WWOX: variants seen among roughly 807,000 people sequenced by gnomAD.
The protein encoded by WWOX is WW domain-containing oxidoreductase.
Under a neutral mutation model 46.2 loss-of-function variants are expected in WWOX, and 69 were observed. That is an observed-to-expected ratio of 1.49 (90% confidence interval 1.23 to 1.82). The LOEUF is 1.82. Ranked by LOEUF, WWOX falls within the 40% of genes most tolerant of loss-of-function variation. The probability of loss-of-function intolerance (pLI) is 0.00; values close to 1 mark genes in which losing one functional copy is unlikely to be tolerated. For missense variants in WWOX, 919 were observed against 542.6 expected, an observed-to-expected ratio of 1.69 and a Z score of -6.89; for synonymous variants, 359 against 202.6, an observed-to-expected ratio of 1.77 and a Z score of -6.56.
At chr16:79,173,920 CAA>C (rs199679443) in intron 8 of WWOX, among the ~76,000 whole-genome samples, 634 of 152,078 alleles carry the variant, frequency 4.2e-3, no homozygotes, top group Non-Finnish European at 7.0e-3. Context: ...TTTCACTTTT[CAA>C]AGTGTTTAAT....
intron 8 of WWOX, among the ~76,000 whole-genome samples, chr16:79,072,129 A>G (rs2048562727): frequency 6.6e-6 from 1 of 152,138 alleles, no homozygotes; most frequent in South Asian, 2.1e-4. Context: ...CAAAAAAAGA[A>G]AAATAAATTA....
chr16:78,775,426 T>G (rs1026669701), intron 8 of WWOX, among the ~76,000 whole-genome samples: 12 of 152,204 alleles, frequency 7.9e-5, no homozygotes, highest in Non-Finnish European at 1.6e-4. Flanking sequence ...GATGTTCTTT[T>G]GTGGCTTGTC....
At chr16:78,619,328 C>T (rs1456112993) in intron 8 of WWOX, among the ~76,000 whole-genome samples, 3 of 130,184 alleles carry the variant, frequency 2.3e-5, no homozygotes, top group Non-Finnish European at 3.2e-5. Flanking sequence ...CGCCACTGCA[C>T]TCCAGCCTGG....
rs772938515 is a variant in WWOX at position 78,415,997 on chromosome 16, G to C, written c.606-8873G>C. On this transcript the variant is annotated intron_variant, in intron 6 of 8. Transcript: ENST00000566780. The stretch of plus-strand genomic sequence containing the variant: ...AGGGGCTTTATCTGTGGGTAGATGA[G>C]AGCCATGTAGAACCTGCATGCTGCC... Among the ~76,000 whole-genome samples the C allele has an allele frequency of 2.7e-4, 41 of 152,292 alleles. No homozygotes were observed. In the East Asian group the frequency reaches 2.7e-3, roughly 10 times the overall value.
chr16:78,777,707 A>G (rs1448544673), intron 8 of WWOX, among the ~76,000 whole-genome samples: 1 of 152,174 alleles, frequency 6.6e-6, no homozygotes, highest in Non-Finnish European at 1.5e-5. Flanking sequence ...ATCATTTTAT[A>G]AGTACCTATT....
At chr16:78,123,440 G>GTTTTTTGTTTTTTGTTTTTTTTTTTTT (rs2033202143) in intron 4 of WWOX, 1 of 50,500 alleles carries the variant, frequency 2.0e-5, no homozygotes, top group African/African-American at 8.4e-5. Context: ...TTTTTGTTTT[G>GTTTTTTGTTTTTTGTTTTTTTTTTTTT]TTTTTTTTTT....
At chr16:78,834,098 C>G (rs978124075) in intron 8 of WWOX, among the ~76,000 whole-genome samples, 1 of 152,236 alleles carries the variant, frequency 6.6e-6, no homozygotes. Context: ...TGTCGAACGT[C>G]TGGAACTGAG....
intron 8 of WWOX, among the ~76,000 whole-genome samples, chr16:79,148,835 T>C (rs1485087069): frequency 3.3e-5 from 5 of 152,146 alleles, no homozygotes; most frequent in Non-Finnish European, 7.4e-5. Context: ...TATCTAGAAA[T>C]ATGATTGAGT....
At chr16:78,899,353 G>A (rs985824381) in intron 8 of WWOX, 1 of 152,082 alleles carries the variant, frequency 6.6e-6, no homozygotes, top group African/African-American at 2.4e-5. Context: ...TGGTTAAAAG[G>A]ATTTGTTCCG....
chr16:79,090,579 G>A (rs1295022525), intron 8 of WWOX, among the ~76,000 whole-genome samples: 2 of 152,146 alleles, frequency 1.3e-5, no homozygotes. Context: ...GAGGGCTGAG[G>A]ACAGGAAGAC....
At chr16:78,253,565 A>G (rs1279205003) in intron 5 of WWOX, among the ~76,000 whole-genome samples, 1 of 152,158 alleles carries the variant, frequency 6.6e-6, no homozygotes, top group African/African-American at 2.4e-5. Flanking sequence ...TTGTGCTTTG[A>G]CCGTCTTCTC....
intron 8 of WWOX, among the ~76,000 whole-genome samples, chr16:78,916,759 A>G (rs2045261489): frequency 1.3e-5 from 2 of 152,224 alleles, no homozygotes. Context: ...AAATTCTGGG[A>G]AAGTTTATCC....
chr16:78,322,920 C>G (rs1301715460), intron 5 of WWOX, among the ~76,000 whole-genome samples: 1 of 152,158 alleles, frequency 6.6e-6, no homozygotes. Context: ...TGATCTCTTT[C>G]AACCATTTAA....
intron 5 of WWOX, among the ~76,000 whole-genome samples, chr16:78,315,499 A>C (rs2080340370): frequency 6.6e-6 from 1 of 152,124 alleles, no homozygotes; most frequent in Non-Finnish European, 1.5e-5. Flanking sequence ...CAGATATAAA[A>C]ATTGGCTGGG....
intron 8 of WWOX, among the ~76,000 whole-genome samples, chr16:78,965,860 T>G (rs1294355604): frequency 1.3e-5 from 2 of 152,206 alleles, no homozygotes; most frequent in Non-Finnish European, 2.9e-5. Context: ...AGTTCTTAGA[T>G]TAACACTATT....
At chr16:78,188,215 C>T (rs150036540) in intron 5 of WWOX, among the ~76,000 whole-genome samples, 11 of 152,094 alleles carry the variant, frequency 7.2e-5, no homozygotes, top group Admixed American at 2.6e-4. Context: ...CTTGGCCGGG[C>T]GCGGGAGCTC....
chr16:79,188,824 G>A (rs1454491276), intron 8 of WWOX, among the ~76,000 whole-genome samples: 3 of 152,160 alleles, frequency 2.0e-5, no homozygotes, highest in East Asian at 1.9e-4. Flanking sequence ...GGGGCTGCTC[G>A]GTTCTCTCAC....
chr16:78,557,262 A>T lies in WWOX; in HGVS notation c.1056+124510A>T, dbSNP rs1193442317. Among the ~76,000 whole-genome samples the T allele has an allele frequency of 2.0e-5, 3 of 152,138 alleles. No homozygotes were observed. In the East Asian group the frequency reaches 5.8e-4, roughly 29 times the overall value. The stretch of plus-strand genomic sequence containing the variant: ...TTTACCTTAAGACCTGATTCTACCT[A>T]TCTATGATCACATAGACATTTGGAA... On this transcript the variant is annotated intron_variant, in intron 8 of 8. Coordinates refer to ENST00000566780, the MANE Select transcript of WWOX (RefSeq NM_016373.4).
At chr16:78,219,301 T>C (rs762090327) in intron 5 of WWOX, among the ~76,000 whole-genome samples, 78 of 152,222 alleles carry the variant, frequency 5.1e-4, no homozygotes, top group Non-Finnish European at 8.7e-4. Context: ...CATTGAGTGT[T>C]TTGCTCTTCT....
Sources: allele counts gnomAD v4.1 joint callset (sites outside exome capture counted in the v4.1 genomes callset), GRCh38; gene constraint gnomAD v4.1.1; transcripts MANE v1.5; gene names NCBI Gene and HGNC (gene_info 2026-07-23, HGNC 2026-07-21).